GABRA2: variants seen among roughly 807,000 people sequenced by gnomAD.
The protein encoded by GABRA2 is gamma-aminobutyric acid receptor subunit alpha-2.
GABRA2 carries 16 observed loss-of-function variants against 48.7 expected under a neutral mutation model. That is an observed-to-expected ratio of 0.33 (90% CI 0.22 to 0.50). The LOEUF (loss-of-function observed/expected upper bound fraction) is 0.50. GABRA2 is among the 20% of genes least tolerant of loss of function. The probability of loss-of-function intolerance (pLI) is 0.98; values close to 1 mark genes in which losing one functional copy is unlikely to be tolerated. For missense variants in GABRA2, 275 were observed against 535.6 expected, an observed-to-expected ratio of 0.51 and a Z score of 4.80; for synonymous variants, 185 against 184.5, an observed-to-expected ratio of 1.00 and a Z score of -0.02.
intron 3 of GABRA2, among the ~76,000 whole-genome samples, chr4:46,332,975 C>T (rs1731625761): frequency 6.6e-6 from 1 of 152,056 alleles, no homozygotes; most frequent in Admixed American, 6.6e-5. Context: ...TATTAGGAAA[C>T]ATCTTAAGTG....
intron 9 of GABRA2, among the ~76,000 whole-genome samples, chr4:46,251,886 A>G (rs1255387303): frequency 6.6e-6 from 1 of 151,478 alleles, no homozygotes; most frequent in East Asian, 1.9e-4. Flanking sequence ...AATAATATAT[A>G]ATTCATTTAA....
intron 8 of GABRA2, among the ~76,000 whole-genome samples, chr4:46,276,982 C>G (rs879539099): frequency 3.3e-5 from 5 of 151,964 alleles, no homozygotes; most frequent in Non-Finnish European, 5.9e-5. Flanking sequence ...AACTGCATGT[C>G]CTGGTCAAAA....
chr4:46,348,302 T>C (rs1013503913), intron 3 of GABRA2, among the ~76,000 whole-genome samples: 5 of 151,800 alleles, frequency 3.3e-5, no homozygotes, highest in Non-Finnish European at 5.9e-5. Flanking sequence ...TGTGGAGAAA[T>C]AGGAACACTT....
intron 3 of GABRA2, among the ~76,000 whole-genome samples, chr4:46,376,613 G>A (rs1029929338): frequency 3.3e-5 from 5 of 152,146 alleles, no homozygotes; most frequent in South Asian, 2.1e-4. Context: ...GTGGCCAGGC[G>A]TAGTGGGTCA....
At chr4:46,264,573 AT>A (rs1717719599) in intron 8 of GABRA2, among the ~76,000 whole-genome samples, 1 of 151,904 alleles carries the variant, frequency 6.6e-6, no homozygotes, top group Non-Finnish European at 1.5e-5. Flanking sequence ...AATGTGGCTG[AT>A]TTTAGTTTGC....
At chr4:46,257,285 A>ATAATAGGAGTTTGTCAGT (rs1254970081) in intron 9 of GABRA2, among the ~76,000 whole-genome samples, 5 of 151,750 alleles carry the variant, frequency 3.3e-5, no homozygotes, top group African/African-American at 1.2e-4. Flanking sequence ...ATCTTAACAA[A>ATAATAGGAGTTTGTCAGT]TAATAGGAGT....
chr4:46,302,694 GA>G (rs1725952175), intron 8 of GABRA2: 1 of 152,090 alleles, frequency 6.6e-6, no homozygotes, highest in Non-Finnish European at 1.5e-5. Context: ...CTATTCTAGG[GA>G]AAATACATTT....
chr4:46,263,969 T>G (rs1425156707), intron 8 of GABRA2, among the ~76,000 whole-genome samples: 4 of 150,866 alleles, frequency 2.7e-5, no homozygotes, highest in Admixed American at 6.6e-5. Context: ...TAATAAACAT[T>G]TCCATTTATT....
intron 3 of GABRA2, among the ~76,000 whole-genome samples, chr4:46,343,642 A>G (rs922026592): frequency 6.6e-6 from 1 of 151,994 alleles, no homozygotes; most frequent in Non-Finnish European, 1.5e-5. Context: ...GCTAACATGC[A>G]CGCTTTGTAA....
At position 46,390,106 on chromosome 4, in the gene GABRA2, T is replaced by C; in HGVS notation, c.-382A>G. The C allele has an allele frequency of 1.1e-6, 1 of 914,242 alleles. No individual in the cohort carries two copies. Among genetic ancestry groups the C allele is most frequent in the Non-Finnish European group, 1.3e-6 (1 of 779,378 alleles). 56.6% of individuals were successfully genotyped at this position (914,242 alleles called of 1,614,324 possible). On this transcript the variant is annotated 5_prime_UTR_variant, in exon 1 of 10. Coordinates refer to ENST00000381620, the MANE Select transcript of GABRA2 (RefSeq NM_000807.4). ...GCGGAGGCGCGGTGCGCGCCGGCGG[T>C]GGCGGGCACGAGCCCCGCGCCTGGA...
At position 46,291,776 on chromosome 4, in the gene GABRA2, C is replaced by CATATATATATAT. The variant is rs560142153; in HGVS notation, c.856+11672_856+11683dup. On this transcript the variant is annotated intron_variant, in intron 8 of 9. Coordinates refer to ENST00000381620, the MANE Select transcript of GABRA2 (RefSeq NM_000807.4). ...AGTTAATACTATTAATAAACACACA[C>CATATATATATAT]ATATATATATATATACATATACATA... is the stretch of plus-strand genomic sequence containing the variant. Among the ~76,000 whole-genome samples the CATATATATATAT allele has an allele frequency of 5.7e-3, 826 of 144,720 alleles. 2 individuals carry two copies. Among genetic ancestry groups the CATATATATATAT allele is most frequent in the Admixed American group, 8.6e-3 (123 of 14,278 alleles). 94.9% of individuals were successfully genotyped at this position (144,720 alleles called of 152,430 possible).
At chr4:46,290,178 G>A (rs1426659799) in intron 8 of GABRA2, among the ~76,000 whole-genome samples, 1 of 150,930 alleles carries the variant, frequency 6.6e-6, no homozygotes, top group East Asian at 2.0e-4. Context: ...TGCTGGGATT[G>A]CAGACGCCAG....
At chr4:46,379,551 A>G (rs1465398667) in intron 3 of GABRA2, among the ~76,000 whole-genome samples, 1 of 152,178 alleles carries the variant, frequency 6.6e-6, no homozygotes, top group Non-Finnish European at 1.5e-5. Flanking sequence ...TGTGACCTTT[A>G]GGGAGCCTAG....
chr4:46,331,173 C>T (rs989251380), intron 4 of GABRA2, among the ~76,000 whole-genome samples: 3 of 152,148 alleles, frequency 2.0e-5, no homozygotes, highest in Non-Finnish European at 4.4e-5. Context: ...GCCTAAGACC[C>T]AGAGTTGAAG....
At chr4:46,295,180 A>G (rs1724408277) in intron 8 of GABRA2, among the ~76,000 whole-genome samples, 1 of 152,222 alleles carries the variant, frequency 6.6e-6, no homozygotes. Context: ...GACATCCCTG[A>G]AGGACGGCAG....
At chr4:46,281,749 A>G (rs1721580672) in intron 8 of GABRA2, among the ~76,000 whole-genome samples, 1 of 152,216 alleles carries the variant, frequency 6.6e-6, no homozygotes, top group African/African-American at 2.4e-5. Context: ...AATTCCTTCA[A>G]GTAAATCATC....
At position 46,388,644 on chromosome 4, in the gene GABRA2, G is replaced by T; in HGVS notation, c.63C>A (p.Asp21Glu). The T allele has an allele frequency of 3.1e-6, 5 of 1,613,904 alleles. No homozygotes were observed. In the South Asian group the frequency reaches 5.5e-5, roughly 18 times the overall value. ...QFLLFVFLVW[D>E]PARLVLANIQ... ...TACAATAAATATCTCACCTGGCAGGGTCCCACACCAAGAAAACAAAAAGCA... is the reference window on the plus strand; with the variant it reads ...TACAATAAATATCTCACCTGGCAGGTTCCCACACCAAGAAAACAAAAAGCA... The change falls in exon 2 of 10, where the codon GAC becomes GAA. Residue 21 changes from aspartate to glutamate, a missense_variant. Coordinates refer to ENST00000381620, the MANE Select transcript of GABRA2 (RefSeq NM_000807.4).
chr4:46,340,583 T>C (rs1035851220), intron 3 of GABRA2, among the ~76,000 whole-genome samples: 2 of 152,066 alleles, frequency 1.3e-5, no homozygotes, highest in Admixed American at 1.3e-4. Context: ...TTGCCCTTTT[T>C]CTGTTGATAT....
intron 2 of GABRA2, among the ~76,000 whole-genome samples, chr4:46,387,193 C>A (rs542529361): frequency 6.6e-6 from 1 of 152,104 alleles, no homozygotes; most frequent in Non-Finnish European, 1.5e-5. Flanking sequence ...ATAAGCATTA[C>A]TGGTCAAATA....
Sources: gnomAD v4.1 joint callset for allele counts (sites outside exome capture counted in the v4.1 genomes callset) on GRCh38, gnomAD v4.1.1 for gene constraint, MANE v1.5 for transcripts, NCBI Gene and HGNC (gene_info 2026-07-23, HGNC 2026-07-21) for gene names.